Variants in ALDH1L2 observed in about 807,000 individuals in gnomAD.
ALDH1L2 encodes the protein mitochondrial 10-formyltetrahydrofolate dehydrogenase.
Under a neutral mutation model 111.0 loss-of-function variants are expected in ALDH1L2, and 91 were observed. The observed-to-expected ratio is 0.82, with a 90% confidence interval of 0.69 to 0.98. The LOEUF (loss-of-function observed/expected upper bound fraction) is 0.98, where lower values mean the gene tolerates loss of function less well. ALDH1L2 is among the 50% of genes least tolerant of loss of function. The pLI, the probability that ALDH1L2 is intolerant of heterozygous loss-of-function variation, is 0.00. For synonymous variants in ALDH1L2, 374 were observed against 392.6 expected (o/e 0.95, Z 0.56); for missense variants, 995 against 1,126.8 (o/e 0.88, Z 1.67).
At position 105,061,416 on chromosome 12, in the gene ALDH1L2, C is replaced by T. The variant is rs1037358160; in HGVS notation, c.1047+211G>A. ...CTTCACCCCTAACCCCCGTGCCAAC[C>T]TGGAACTGCCTTGGATGACTTATGT... On this transcript the variant is annotated intron_variant, in intron 8 of 22. Coordinates refer to ENST00000258494, the MANE Select transcript of ALDH1L2 (RefSeq NM_001034173.4). Among the ~76,000 whole-genome samples, 12 of 152,304 alleles carry T rather than the reference C, an allele frequency of 7.9e-5. 1 individual carries two copies. The highest frequency in any genetic ancestry group is 1.3e-4 in the Admixed American group (2 of 15,294).
At chr12:105,061,175 C>T in intron 8 of ALDH1L2, 103 bp from the exon 9 acceptor site, 1 of 948,092 alleles carries the variant, frequency 1.1e-6, no homozygotes, top group Non-Finnish European at 1.7e-6. Context: ...ATCTTGTACA[C>T]TCAGCTGTAC....
At chr12:105,026,019 T>A (rs1874389431) in intron 22 of ALDH1L2, among the ~76,000 whole-genome samples, 1 of 152,216 alleles carries the variant, frequency 6.6e-6, no homozygotes, top group Non-Finnish European at 1.5e-5. Flanking sequence ...GTGTCACTGC[T>A]CACAGTGAAT....
chr12:105,056,100 G>A (rs1172418274), intron 10 of ALDH1L2, among the ~76,000 whole-genome samples: 1 of 151,752 alleles, frequency 6.6e-6, no homozygotes, highest in African/African-American at 2.4e-5. Context: ...AAATTCAAAG[G>A]CTCCACACCT....
At chr12:105,059,601 T>C (rs958874521) in intron 9 of ALDH1L2, among the ~76,000 whole-genome samples, 3 of 152,180 alleles carry the variant, frequency 2.0e-5, no homozygotes, top group Non-Finnish European at 4.4e-5. Context: ...CCGAAACTCT[T>C]GACTTTTGAA....
intron 22 of ALDH1L2, among the ~76,000 whole-genome samples, chr12:105,025,253 A>AC (rs1233994495): frequency 6.6e-6 from 1 of 152,096 alleles, no homozygotes; most frequent in Non-Finnish European, 1.5e-5. Context: ...CCCACATCAC[A>AC]CCCCAGATCA....
Position 105,052,121 on chromosome 12 carries a change from T to G in ALDH1L2, c.1504A>C (p.Asn502His). ...AFENGEWGRMNARERGRLMYR... is the reference protein window; with the variant it reads ...AFENGEWGRMHARERGRLMYR... ...ATCAATCTTCCTCTTTCTCTTGCAT[T>G]CATTCTTCCCCATTCACCGTTTTCA... Residue 502 changes from asparagine to histidine, a missense_variant, in exon 12 of 23, where the codon AAT becomes CAT. Transcript: ENST00000258494. 1 of 1,610,228 alleles carries G rather than the reference T, an allele frequency of 6.2e-7. No homozygotes were observed. The highest frequency in any genetic ancestry group is 8.5e-7 in the Non-Finnish European group (1 of 1,178,274).
intron 4 of ALDH1L2, among the ~76,000 whole-genome samples, chr12:105,068,398 A>G (rs1461542042): frequency 6.6e-6 from 1 of 152,090 alleles, no homozygotes; most frequent in Non-Finnish European, 1.5e-5. Flanking sequence ...ATTTCTTAAG[A>G]TTCAATCTAC....
rs376116287 is a variant in ALDH1L2, at chr12:105,036,135, T to C, written c.2146-1737A>G. On this transcript the variant is annotated intron_variant, in intron 18 of 22. Transcript: ENST00000258494. ...TATATGTGTATATATATTATATATA[T>C]ACGTATATTTATATATGTGTATATA... Among the ~76,000 whole-genome samples, 51 of 53,162 alleles carry C rather than the reference T, an allele frequency of 9.6e-4. 7 individuals are homozygous for C. Among genetic ancestry groups the C allele is most frequent in the Admixed American group, 2.7e-3 (12 of 4,494 alleles). The allele number at this position is 53,162 out of a possible 152,430, so 34.9% of individuals were successfully genotyped here.
chr12:105,084,183 G>T (rs1047722726), intron 1 of ALDH1L2, among the ~76,000 whole-genome samples: 1 of 152,250 alleles, frequency 6.6e-6, no homozygotes, highest in African/African-American at 2.4e-5. Flanking sequence ...CTGCGTGCCA[G>T]TTCCCATCCG....
intron 15 of ALDH1L2, among the ~76,000 whole-genome samples, chr12:105,041,320 T>C (rs921213932): frequency 3.9e-5 from 6 of 152,218 alleles, no homozygotes; most frequent in Non-Finnish European, 1.5e-5. Flanking sequence ...ATACAATGTC[T>C]CTTTGTCTGG....
Position 105,034,352 on chromosome 12 carries a change from G to T in ALDH1L2, c.2192C>A (p.Ala731Asp). Residue 731 changes from alanine (A) to aspartate (D), a missense_variant, in exon 19 of 23, where the codon GCT becomes GAT. Physicochemically the swap from Ala to Asp is moderately radical, Grantham distance 126. Coordinates refer to ENST00000258494, the MANE Select transcript of ALDH1L2 (RefSeq NM_001034173.4). ...GGATTCTTCCACGAACAACCGCCCAGCAGCAATACAGTTCTCTCCTTTGTT... is the reference window on the plus strand; with the variant it reads ...GGATTCTTCCACGAACAACCGCCCATCAGCAATACAGTTCTCTCCTTTGTT... ...FFNKGENCIA[A>D]GRLFVEESIH... The T allele has an allele frequency of 1.2e-6, 2 of 1,613,472 alleles. No individual in the cohort carries two copies. Among genetic ancestry groups the T allele is most frequent in the Non-Finnish European group, 1.7e-6 (2 of 1,179,816 alleles).
chr12:105,030,531 G>T, intron 20 of ALDH1L2, 102 bp from the exon 21 acceptor site: 1 of 950,480 alleles, frequency 1.1e-6, no homozygotes, highest in Non-Finnish European at 1.5e-6. Context: ...TTTCCCTCTG[G>T]CCCAGTAAAA....
intron 17 of ALDH1L2, 62 bp from the exon 18 acceptor site, chr12:105,038,264 A>ACACACG: frequency 7.0e-6 from 4 of 573,788 alleles, no homozygotes; most frequent in Non-Finnish European, 1.2e-5. Flanking sequence ...TCTCTCTCAC[A>ACACACG]CACACACACA....
intron 4 of ALDH1L2, among the ~76,000 whole-genome samples, chr12:105,067,966 G>A (rs10459205): frequency 6.6e-6 from 1 of 152,260 alleles, no homozygotes; most frequent in East Asian, 1.9e-4. Flanking sequence ...TATAGATGAA[G>A]AAACCAAAGC....
chr12:105,050,732 C>G (rs1395513660), intron 12 of ALDH1L2: 3 of 450,074 alleles, frequency 6.7e-6, no homozygotes, highest in Non-Finnish European at 1.3e-5. Flanking sequence ...ATACCTGAGA[C>G]TGGGTAATTT....
chr12:105,068,776 A>T lies in ALDH1L2; in HGVS notation c.537T>A (p.Asn179Lys). 2 of 1,607,106 alleles carry T rather than the reference A, an allele frequency of 1.2e-6. No individual in the cohort carries two copies. Among genetic ancestry groups the T allele is most frequent in the Non-Finnish European group, 1.7e-6 (2 of 1,176,774 alleles). ...GATTATAAAGTGCATCCACTGTATC[A>T]TTGGGTTCAACATCACATGATCTCT... ...LLQRSCDVEP[N>K]DTVDALYNRF... The change falls in exon 4 of 23, where the codon AAT becomes AAA. Residue 179 changes from asparagine to lysine, a missense_variant. Physicochemically the swap from Asn to Lys is moderately conservative, Grantham distance 94. Transcript: ENST00000258494.
intron 21 of ALDH1L2, among the ~76,000 whole-genome samples, chr12:105,028,781 C>T (rs187134316): frequency 2.0e-4 from 31 of 152,234 alleles, no homozygotes; most frequent in Non-Finnish European, 3.7e-4. Context: ...CAATGACAAG[C>T]ATATATTGAT....
Position 105,073,981 on chromosome 12 carries a change from A to G in ALDH1L2, c.73T>C (p.Leu25=), listed in dbSNP as rs1488294530. The change falls in exon 2 of 23, where the codon TTG becomes CTG. Residue 25 remains leucine, a synonymous_variant. Transcript: ENST00000258494. ...GRVYFKNKLK[L]ALIGQSLFGQ... ...AAGAGGCTCTGGCCAATTAGTGCCAACTTCAGCTTGTTTTTGAAATAAACC... is the reference window on the plus strand; with the variant it reads ...AAGAGGCTCTGGCCAATTAGTGCCAGCTTCAGCTTGTTTTTGAAATAAACC... The G allele has an allele frequency of 6.2e-7, 1 of 1,614,170 alleles. No individual in the cohort carries two copies.
At chr12:105,031,065 T>C (rs531064260) in intron 20 of ALDH1L2, among the ~76,000 whole-genome samples, 43 of 152,342 alleles carry the variant, frequency 2.8e-4, no homozygotes, top group Admixed American at 9.8e-4. Context: ...TCTTTCTTTC[T>C]GGTTAATCAT....
Sources: allele counts gnomAD v4.1 joint callset (sites outside exome capture counted in the v4.1 genomes callset), GRCh38; gene constraint gnomAD v4.1.1; transcripts MANE v1.5; gene names NCBI Gene and HGNC (gene_info 2026-07-23, HGNC 2026-07-21).